The following FES variants were observed in gnomAD, a reference collection of about 807,000 sequenced individuals.
FES encodes FES proto-oncogene, tyrosine kinase, also known as tyrosine-protein kinase Fes/Fps.
FES carries 83 observed loss-of-function variants against 109.6 expected under a neutral mutation model. The ratio of observed to expected loss-of-function variants is 0.76; its 90% confidence interval spans 0.63 to 0.91. FES has a LOEUF of 0.91. Among genes scored for constraint, FES ranks in the 40% least tolerant of loss-of-function variants. The pLI is 0.00. For synonymous variants in FES, 458 were observed against 442.1 expected, an observed-to-expected ratio of 1.04 and a Z score of -0.45; for missense variants, 943 against 1,070.9, an observed-to-expected ratio of 0.88 and a Z score of 1.67.
Position 90,885,119 on chromosome 15 carries a change from G to A in FES, c.74G>A (p.Arg25His), listed in dbSNP as rs769452466. The change falls in exon 2 of 19, where the codon CGT (arginine) becomes CAT (histidine). Residue 25 changes from arginine to histidine, a missense_variant. Coordinates refer to ENST00000328850, the MANE Select transcript of FES (RefSeq NM_002005.4). ...VLQQMQEAEL[R>H]LLEGMRKWMA... is the part of the protein sequence containing the mutation. ...CAGCAAATGCAGGAGGCCGAGCTTCGTCTACTGGAGGGCATGAGAAAGTGG... is the reference window on the plus strand; with the variant it reads ...CAGCAAATGCAGGAGGCCGAGCTTCATCTACTGGAGGGCATGAGAAAGTGG... 16 of 1,613,860 alleles carry A rather than the reference G, an allele frequency of 9.9e-6. No individual in the cohort carries two copies. Among genetic ancestry groups the A allele is most frequent in the South Asian group, 5.5e-5 (5 of 91,086 alleles).
intron 1 of FES, 196 bp from the exon 2 acceptor site, chr15:90,884,841 C>T (rs2032398801): frequency 1.7e-6 from 1 of 573,518 alleles, no homozygotes; most frequent in Non-Finnish European, 3.1e-6. Flanking sequence ...GAGACCCTGA[C>T]GCTAAGGAAG....
chr15:90,887,745 G>A (rs553576523), intron 5 of FES, among the ~76,000 whole-genome samples: 1 of 152,320 alleles, frequency 6.6e-6, no homozygotes, highest in East Asian at 1.9e-4. Context: ...CTGGGAGCAC[G>A]GAGGCAAGGG....
intron 3 of FES, 72 bp from the exon 4 acceptor site, chr15:90,886,889 G>T: frequency 6.9e-7 from 1 of 1,450,708 alleles, no homozygotes; most frequent in Admixed American, 1.7e-5. Context: ...CCTTTCCAGG[G>T]CTTCACCCCA....
At chr15:90,886,254 T>G (rs530502479) in intron 3 of FES, among the ~76,000 whole-genome samples, 31 of 152,384 alleles carry the variant, frequency 2.0e-4, no homozygotes, top group Middle Eastern at 3.4e-3. Context: ...GGTGGGCCCA[T>G]TTTTATAAAG....
chr15:90,889,765 C>T lies in FES; in HGVS notation c.927-75C>T, dbSNP rs1019448175. The stretch of plus-strand genomic sequence containing the variant: ...ACCAGGTGGCCGGGCTTGCTTGGCT[C>T]TACAGGGATGCACTGGACCTGGGTT... On this transcript the variant is annotated intron_variant, in intron 7 of 18. Transcript: ENST00000328850. This position sits in a 1 kb window ranked among gnomAD's most constrained non-coding sequence, Gnocchi z 6.1. 1.9e-6 allele frequency: 3 copies of T among 1,606,906 alleles called. No homozygotes were observed. Among genetic ancestry groups the T allele is most frequent in the Non-Finnish European group, 2.6e-6 (3 of 1,176,442 alleles).
chr15:90,886,284 T>G (rs556637083), intron 3 of FES, among the ~76,000 whole-genome samples: 33 of 152,268 alleles, frequency 2.2e-4, no homozygotes, highest in Non-Finnish European at 4.6e-4. Flanking sequence ...AACACAGCTA[T>G]GCCCTTTTGT....
rs201771040 is a variant in FES, at chr15:90,887,222, C to T, written c.520C>T (p.Arg174Cys). The change falls in exon 5 of 19, where the codon CGC becomes TGC. Residue 174 changes from arginine (R) to cysteine (C), a missense_variant. Physicochemically the swap from Arg to Cys is radical, Grantham distance 180 (BLOSUM62 -3). Transcript: ENST00000328850. ...TGACAAGGCTAAGGACAAGTATGTG[C>T]GCAGCCTGTGGAAGCTCTTTGCTCA... ...DRDKAKDKYV[R>C]SLWKLFAHHN... 3.8e-5 allele frequency: 61 copies of T among 1,613,592 alleles called. No individual in the cohort carries two copies. The highest frequency in any genetic ancestry group is 4.5e-5 in the Non-Finnish European group (53 of 1,179,974).
chr15:90,885,618 C>T, intron 3 of FES, 33 bp downstream of exon 3: 1 of 1,597,736 alleles, frequency 6.3e-7, no homozygotes, highest in East Asian at 2.2e-5. Context: ...TCGGTCATTT[C>T]TGTCTAAATT....
Position 90,892,808 on chromosome 15 carries a change from G to C in FES, c.1809G>C (p.Lys603Asn). The C allele has an allele frequency of 1.9e-6, 3 of 1,613,762 alleles. No individual in the cohort carries two copies. The highest frequency in any genetic ancestry group is 2.5e-6 in the Non-Finnish European group (3 of 1,179,882). Residue 603 changes from lysine to asparagine, a missense_variant, in exon 14 of 19, where the codon AAG becomes AAC. Coordinates refer to ENST00000328850, the MANE Select transcript of FES (RefSeq NM_002005.4). ...CGCTCCCACCTGACCTCAAGGCCAAGTTTCTACAGGAAGCGAGGTGGGTGA... is the reference window on the plus strand; with the variant it reads ...CGCTCCCACCTGACCTCAAGGCCAACTTTCTACAGGAAGCGAGGTGGGTGA... ...RETLPPDLKA[K>N]FLQEARILKQ...
At position 90,891,210 on chromosome 15, in the gene FES, C is replaced by T. The variant is rs796353096; in HGVS notation, c.1530+19C>T. 6 of 1,548,440 alleles carry T rather than the reference C, an allele frequency of 3.9e-6. No homozygotes were observed. Among genetic ancestry groups the T allele is most frequent in the African/African-American group, 2.7e-5 (2 of 73,216 alleles). ...CTTGGATGTGAGTGGGGCTGGGACC[C>T]GAGCCTTCCAGGCCTCACTCTTCCC... On this transcript the variant is annotated intron_variant, in intron 11 of 18. Transcript: ENST00000328850.
In FES at chr15:90,895,422, G is replaced by A. The variant is rs147727892; in HGVS notation, c.2333G>A (p.Arg778His). The A allele has an allele frequency of 6.9e-5, 107 of 1,542,526 alleles. No homozygotes were observed. The highest frequency in any genetic ancestry group is 8.3e-5 in the Non-Finnish European group (95 of 1,139,936). The change falls in exon 19 of 19, where the codon CGT becomes CAT. Residue 778 changes from arginine (R) to histidine (H), a missense_variant. Physicochemically the swap from Arg to His is conservative, Grantham distance 29. Coordinates refer to ENST00000328850, the MANE Select transcript of FES (RefSeq NM_002005.4). ...GCTGTGCCTCTCCTCACAGGGGGCC[G>A]TCTGCCCTGCCCAGAGCTGTGTCCT... Reference protein sequence around the residue: ...QTREFVEKGGRLPCPELCPDA... With the variant: ...QTREFVEKGGHLPCPELCPDA...
intron 3 of FES, 27 bp from the exon 4 acceptor site, chr15:90,886,934 C>T: frequency 2.5e-6 from 4 of 1,608,674 alleles, no homozygotes; most frequent in Non-Finnish European, 3.4e-6. Flanking sequence ...ACCTGCTGCC[C>T]CACACTGGCC....
At chr15:90,892,139 T>C in intron 13 of FES, 28 bp downstream of exon 13, 2 of 1,613,628 alleles carry the variant, frequency 1.2e-6, no homozygotes, top group East Asian at 2.2e-5. Context: ...GGCCTCCTTG[T>C]CGCTGGCGAC....
intron 3 of FES, among the ~76,000 whole-genome samples, 187 bp downstream of exon 3, chr15:90,885,772 C>T (rs1266189266): frequency 6.6e-6 from 1 of 152,226 alleles, no homozygotes; most frequent in Non-Finnish European, 1.5e-5. Flanking sequence ...TGCAGCAAGG[C>T]CTCTCTGTGC....
In FES at chr15:90,893,725, G is replaced by C. The variant is rs749457152; in HGVS notation, c.2117G>C (p.Arg706Pro). The C allele has an allele frequency of 6.2e-7, 1 of 1,612,120 alleles. No individual in the cohort carries two copies. Among genetic ancestry groups the C allele is most frequent in the Non-Finnish European group, 8.5e-7 (1 of 1,179,344 alleles). Reference protein sequence around the residue: ...VLKISDFGMSREEADGVYAAS... With the variant: ...VLKISDFGMSPEEADGVYAAS... Reference sequence around the variant, plus strand: ...AAGATCAGTGACTTTGGGATGTCCCGAGAGGAAGCCGATGGGGTCTATGCA... The same window carrying C: ...AAGATCAGTGACTTTGGGATGTCCCCAGAGGAAGCCGATGGGGTCTATGCA... The change falls in exon 17 of 19, where the codon CGA becomes CCA. Residue 706 changes from arginine (R) to proline (P), a missense_variant. Physicochemically the swap from Arg to Pro is moderately radical, Grantham distance 103. Transcript: ENST00000328850.
At position 90,889,485 on chromosome 15, in the gene FES, C is replaced by T; in HGVS notation, c.807-32C>T. ...CTCCTGCTGGGCCCAGGGCTGCTGG[C>T]CTGTCCACTGACGGGGCGCTGTCCC... On this transcript the variant is annotated intron_variant, in intron 6 of 18. Transcript: ENST00000328850. The surrounding 1 kb of genome is among the most constrained non-coding windows in gnomAD (Gnocchi z 6.1). The T allele has an allele frequency of 6.2e-7, 1 of 1,613,916 alleles. No homozygotes were observed.
intron 18 of FES, among the ~76,000 whole-genome samples, chr15:90,895,123 GT>G (rs1190383497): frequency 3.3e-5 from 5 of 152,132 alleles, no homozygotes; most frequent in Non-Finnish European, 7.3e-5. Flanking sequence ...TGAGCACCTG[GT>G]CTGTGCTAGG....
rs1451571658 is a variant in FES at position 90,889,643 on chromosome 15, G to A, written c.926+7G>A. On this transcript the variant is annotated splice_region_variant and intron_variant, in intron 7 of 18. Transcript: ENST00000328850. The surrounding 1 kb of genome is among the most constrained non-coding windows in gnomAD (Gnocchi z 6.1). ...TGGAGAGCGTGCAGCACACGTGGGT[G>A]GTGGCTTTGCACCTGGGCTGCGGCG... 11 of 1,612,566 alleles carry A rather than the reference G, an allele frequency of 6.8e-6. No individual in the cohort carries two copies. The highest frequency in any genetic ancestry group is 1.3e-5 in the African/African-American group (1 of 74,902).
At position 90,887,296 on chromosome 15, in the gene FES, G is replaced by C; in HGVS notation, c.594G>C (p.Gln198His). 3 of 1,613,242 alleles carry C rather than the reference G, an allele frequency of 1.9e-6. No individual in the cohort carries two copies. The African/African-American group carries it at 4.0e-5, about 21-fold the overall frequency. The change falls in exon 5 of 19, where the codon CAG becomes CAC. Residue 198 changes from glutamine to histidine, a missense_variant. Transcript: ENST00000328850. Reference sequence around the variant, plus strand: ...TGCGGGCTGCGCAGCTACACCACCAGCACCACCACCAGCTCCTGCTGCCCG... The same window carrying C: ...TGCGGGCTGCGCAGCTACACCACCACCACCACCACCAGCTCCTGCTGCCCG... ...LGVRAAQLHHQHHHQLLLPGL... is the reference protein window; with the variant it reads ...LGVRAAQLHHHHHHQLLLPGL...
Sources: allele counts gnomAD v4.1 joint callset (sites outside exome capture counted in the v4.1 genomes callset), GRCh38; gene constraint gnomAD v4.1.1; non-coding constraint Gnocchi (gnomAD v3.1); transcripts MANE v1.5; gene names NCBI Gene and HGNC (gene_info 2026-07-23, HGNC 2026-07-21).